DMD: variants seen among roughly 807,000 people sequenced by gnomAD.
DMD encodes the protein dystrophin.
Under a neutral mutation model 330.1 loss-of-function variants are expected in DMD, and 63 were observed. That is an observed-to-expected ratio of 0.19 (90% CI 0.16 to 0.24). The LOEUF (loss-of-function observed/expected upper bound fraction) is 0.24, where lower values mean the gene tolerates loss of function less well. Ranked by LOEUF, DMD falls within the 10% of genes least tolerant of loss-of-function variation. The pLI is 1.00. For missense variants in DMD, 3,344 were observed against 2,684.1 expected (o/e 1.25, Z -5.43); for synonymous variants, 1,223 against 959.8 (o/e 1.27, Z -5.07).
chrX:32,045,625 T>C (rs1002357477), intron 44 of DMD, among the ~76,000 whole-genome samples: 4 of 111,634 alleles, frequency 3.6e-5, no homozygotes, highest in Admixed American at 9.5e-5. Context: ...ACTCTTGTTT[T>C]TCTGCCGATT....
At chrX:33,197,814 T>A (rs1177818833) in intron 1 of DMD, among the ~76,000 whole-genome samples, 1 of 111,404 alleles carries the variant, frequency 9.0e-6, no homozygotes, top group Non-Finnish European at 1.9e-5. Context: ...TATGAGTATA[T>A]AACAGTTTGT....
intron 1 of DMD, among the ~76,000 whole-genome samples, chrX:33,303,555 C>A (rs2053700753): frequency 9.0e-6 from 1 of 111,383 alleles, no homozygotes; most frequent in Admixed American, 9.6e-5. Flanking sequence ...CAAATTTCAT[C>A]TTGTAGTTCC....
At chrX:31,454,528 C>G (rs751554511) in intron 59 of DMD, among the ~76,000 whole-genome samples, 5 of 111,681 alleles carry the variant, frequency 4.5e-5, no homozygotes, top group African/African-American at 3.3e-5. Context: ...AATGGGCCCT[C>G]TCCCTCCCCT....
rs1369507622 is a variant in DMD at position 32,644,869 on chromosome X, A to C, written c.1149+95T>G. 6.6e-6 allele frequency: 7 copies of C among 1,054,647 alleles called. No homozygotes were observed. In the African/African-American group the frequency reaches 1.3e-4, roughly 19 times the overall value. 86.9% of individuals were successfully genotyped at this position (1,054,647 alleles called of 1,213,427 possible). ...CACATCATAGTAACTAAATTTCCAA[A>C]ATACAAGGATGTAAGAGAGTAATTG... On this transcript the variant is annotated intron_variant, in intron 10 of 78. Transcript: ENST00000357033.
intron 7 of DMD, among the ~76,000 whole-genome samples, chrX:32,748,370 G>GA (rs1311565724): frequency 7.5e-5 from 8 of 107,370 alleles, no homozygotes; most frequent in African/African-American, 2.8e-4. Flanking sequence ...GAAAAGAAAA[G>GA]AAAAGAAAAA....
upstream of DMD, among the ~76,000 whole-genome samples, chrX:33,216,204 A>G (rs771244771): frequency 1.8e-4 from 20 of 111,927 alleles, no homozygotes; most frequent in South Asian, 7.1e-3. Context: ...GATTTCTTTC[A>G]GCAGTGTTTT....
At chrX:31,732,985 C>A (rs1357782342) in intron 51 of DMD, among the ~76,000 whole-genome samples, 5 of 111,416 alleles carry the variant, frequency 4.5e-5, no homozygotes, top group Non-Finnish European at 9.4e-5. Context: ...TGGATTCTAT[C>A]ATTCTAGAGG....
At chrX:32,559,524 G>A (rs1234763667) in intron 16 of DMD, among the ~76,000 whole-genome samples, 1 of 111,594 alleles carries the variant, frequency 9.0e-6, no homozygotes, top group African/African-American at 3.3e-5. Flanking sequence ...CAAAAAAGAA[G>A]AGAGGCAAAC....
chrX:31,621,489 A>G (rs1407164919), intron 55 of DMD, among the ~76,000 whole-genome samples: 3 of 103,848 alleles, frequency 2.9e-5, no homozygotes, highest in Non-Finnish European at 4.0e-5. Flanking sequence ...TAAAGTGATA[A>G]AAGTCCAGAG....
At chrX:32,554,513 C>A (rs1400040455) in intron 16 of DMD, among the ~76,000 whole-genome samples, 5 of 110,139 alleles carry the variant, frequency 4.5e-5, no homozygotes, top group Non-Finnish European at 9.5e-5. Context: ...ACTAGAAAAC[C>A]TAGAGGAAAT....
intron 1 of DMD, among the ~76,000 whole-genome samples, chrX:33,024,892 A>T (rs1360352019): frequency 9.0e-6 from 1 of 111,535 alleles, no homozygotes; most frequent in Non-Finnish European, 1.9e-5. Flanking sequence ...TAACTCATGG[A>T]GCTATTGACA....
chrX:32,278,519 C>G (rs1253517988), intron 43 of DMD, among the ~76,000 whole-genome samples: 4 of 111,199 alleles, frequency 3.6e-5, no homozygotes, highest in Non-Finnish European at 7.5e-5. Flanking sequence ...ACAATGAACT[C>G]AAACAAACGT....
chrX:32,433,158 A>T (rs1283459819), intron 29 of DMD, among the ~76,000 whole-genome samples: 1 of 112,430 alleles, frequency 8.9e-6, no homozygotes, highest in Non-Finnish European at 1.9e-5. Context: ...TTTTAAGGCC[A>T]TGTTTTAAGC....
At position 31,320,113 on chromosome X, in the gene DMD, A is replaced by G. The variant is rs189736806; in HGVS notation, c.9224+3485T>C. ...AATAAGGGAGCCCCAAGGGAGAGGG[A>G]ATATGAAAACTGTAACAATGATGTA... On this transcript the variant is annotated intron_variant, in intron 62 of 78. Transcript: ENST00000357033. Among the ~76,000 whole-genome samples the G allele has an allele frequency of 4.5e-5, 5 of 112,285 alleles. No homozygotes were observed. The East Asian group carries it at 1.4e-3, about 31-fold the overall frequency.
At chrX:32,767,961 A>G (rs986998323) in intron 7 of DMD, among the ~76,000 whole-genome samples, 1 of 111,705 alleles carries the variant, frequency 9.0e-6, no homozygotes, top group Non-Finnish European at 1.9e-5. Context: ...TATTGATAAG[A>G]GATATAGATA....
At chrX:32,040,640 G>A (rs147264529) in intron 44 of DMD, among the ~76,000 whole-genome samples, 1 of 111,342 alleles carries the variant, frequency 9.0e-6, no homozygotes, top group Middle Eastern at 4.3e-3. Context: ...CGAAGAGGGG[G>A]CCTGATGTGG....
At chrX:31,859,158 T>G (rs1252266548) in intron 48 of DMD, among the ~76,000 whole-genome samples, 4 of 111,266 alleles carry the variant, frequency 3.6e-5, no homozygotes. Flanking sequence ...CAGAGGAGAC[T>G]GCAAGTACCT....
chrX:33,255,936 A>G (rs961027594), intron 1 of DMD, among the ~76,000 whole-genome samples: 3 of 111,758 alleles, frequency 2.7e-5, no homozygotes, highest in African/African-American at 9.7e-5. Context: ...ATATGCATGA[A>G]GAAAGAAAAA....
At position 32,447,011 on chromosome X, in the gene DMD, T is replaced by C. The variant is rs147357784; in HGVS notation, c.3786+1445A>G. 6.6e-3 allele frequency among the ~76,000 whole-genome samples: 734 copies of C among 110,643 alleles called. 2 individuals are homozygous for C. The highest frequency in any genetic ancestry group is 0.022 in the African/African-American group (671 of 30,650). On this transcript the variant is annotated intron_variant, in intron 27 of 78. Coordinates refer to ENST00000357033, the MANE Select transcript of DMD (RefSeq NM_004006.3). ...AACTTAAGAAAATCCCTTCGGAAAATGTACTCCAATATAAATTTCTAATGA... is the reference window on the plus strand; with the variant it reads ...AACTTAAGAAAATCCCTTCGGAAAACGTACTCCAATATAAATTTCTAATGA...
Sources: gnomAD v4.1 joint callset for allele counts (sites outside exome capture counted in the v4.1 genomes callset) on GRCh38, gnomAD v4.1.1 for gene constraint, MANE v1.5 for transcripts, NCBI Gene and HGNC (gene_info 2026-07-23, HGNC 2026-07-21) for gene names.